Variants in RPE65 observed in about 807,000 individuals in gnomAD.
The protein encoded by RPE65 is retinoid isomerohydrolase RPE65.
In RPE65, 58 loss-of-function variants were observed where a neutral mutation model predicts 68.5. The ratio of observed to expected loss-of-function variants is 0.85; its 90% CI spans 0.69 to 1.05. The LOEUF (loss-of-function observed/expected upper bound fraction) is 1.05. Among genes scored for constraint, RPE65 ranks in the 50% least tolerant of loss-of-function variants. RPE65 has a pLI of 0.00. For synonymous variants in RPE65, 220 were observed against 222.2 expected, an observed-to-expected ratio of 0.99 and a Z score of 0.09; for missense variants, 643 against 629.9, an observed-to-expected ratio of 1.02 and a Z score of -0.22.
intron 5 of RPE65, among the ~76,000 whole-genome samples, chr1:68,442,191 G>A (rs942271752): frequency 1.3e-5 from 2 of 152,160 alleles, no homozygotes; most frequent in Non-Finnish European, 2.9e-5. Context: ...CAATGGCATC[G>A]TAGAGAAGCG....
intron 3 of RPE65, 56 bp downstream of exon 3, chr1:68,446,654 G>A: frequency 1.9e-6 from 3 of 1,611,576 alleles, no homozygotes; most frequent in Non-Finnish European, 2.5e-6. Flanking sequence ...CATGGGAGGA[G>A]GAGCCAAGCT....
intron 10 of RPE65, among the ~76,000 whole-genome samples, chr1:68,435,374 T>C (rs927838915): frequency 1.3e-5 from 2 of 151,984 alleles, no homozygotes; most frequent in African/African-American, 4.8e-5. Context: ...AAATATGATT[T>C]CCCCCCCTGC....
intron 9 of RPE65, 92 bp from the exon 10 acceptor site, chr1:68,438,408 G>A (rs1173865635): frequency 1.4e-6 from 2 of 1,452,262 alleles, no homozygotes; most frequent in Non-Finnish European, 1.9e-6. Context: ...GTGCCTGCCT[G>A]TTCTTTATTC....
chr1:68,441,487 C>A (rs1645901982), intron 5 of RPE65, among the ~76,000 whole-genome samples: 1 of 151,828 alleles, frequency 6.6e-6, no homozygotes. Flanking sequence ...CAAGCTTCAT[C>A]TAGTATAGAA....
In RPE65 at chr1:68,439,326, G is replaced by T. The variant is rs763658561; in HGVS notation, c.726-3C>A. On this transcript the variant is annotated splice_region_variant and splice_polypyrimidine_tract_variant and intron_variant, in intron 7 of 13. Transcript: ENST00000262340. ...TATAGTTGGGAGTCAGACCAAAACT[G>T]TTCAGAAACACAAATGGGCTTGTGA... is the stretch of plus-strand genomic sequence containing the variant. 1.5e-5 allele frequency: 24 copies of T among 1,612,976 alleles called. No individual in the cohort carries two copies. Among genetic ancestry groups the T allele is most frequent in the Admixed American group, 1.0e-4 (6 of 59,992 alleles).
intron 10 of RPE65, among the ~76,000 whole-genome samples, chr1:68,432,262 C>T (rs77585943): frequency 6.6e-6 from 1 of 152,026 alleles, no homozygotes; most frequent in South Asian, 2.1e-4. Flanking sequence ...AGTGAAGTCC[C>T]TGTCCTCATG....
chr1:68,429,935 T>A lies in RPE65; in HGVS notation c.1451-8A>T, dbSNP rs761594270. 6 of 1,613,500 alleles carry A rather than the reference T, an allele frequency of 3.7e-6. No homozygotes were observed. Among genetic ancestry groups the A allele is most frequent in the Non-Finnish European group, 4.2e-6 (5 of 1,179,676 alleles). On this transcript the variant is annotated splice_region_variant and splice_polypyrimidine_tract_variant and intron_variant, in intron 13 of 13. Coordinates refer to ENST00000262340, the MANE Select transcript of RPE65 (RefSeq NM_000329.3). ...CCACACTCAGAACTACACCTGTTTA[T>A]CAGAAGTAAATTAGGCAATATTGAG...
At chr1:68,447,125 A>G (rs1645948258) in intron 2 of RPE65, among the ~76,000 whole-genome samples, 1 of 152,176 alleles carries the variant, frequency 6.6e-6, no homozygotes, top group Non-Finnish European at 1.5e-5. Flanking sequence ...AGGGAGAAGC[A>G]TCTTGAGAGG....
intron 6 of RPE65, 62 bp downstream of exon 6, chr1:68,440,791 T>C (rs1645896563): frequency 1.3e-6 from 2 of 1,586,174 alleles, no homozygotes; most frequent in Admixed American, 1.7e-5. Flanking sequence ...TTTCTCACAA[T>C]ACAGTAACTT....
At chr1:68,446,929 C>T (rs1645947076) in intron 2 of RPE65, 69 bp from the exon 3 acceptor site, 1 of 1,601,086 alleles carries the variant, frequency 6.2e-7, no homozygotes, top group African/African-American at 1.3e-5. Context: ...CTTGGTAAGG[C>T]AGAGTATATC....
At position 68,433,039 on chromosome 1, in the gene RPE65, G is replaced by A. The variant is rs571838330; in HGVS notation, c.1129-1454C>T. 2.6e-5 allele frequency among the ~76,000 whole-genome samples: 4 copies of A among 152,266 alleles called. No individual in the cohort carries two copies. In the East Asian group the frequency reaches 7.7e-4, roughly 29 times the overall value. On this transcript the variant is annotated intron_variant, in intron 10 of 13. Transcript: ENST00000262340. The stretch of plus-strand genomic sequence containing the variant: ...CACAACAAAGATAGGAACTACAGGT[G>A]GAGTAAATTTTTGGTGGGGGAAGAT...
intron 10 of RPE65, among the ~76,000 whole-genome samples, chr1:68,437,871 A>G (rs945047897): frequency 1.3e-5 from 2 of 152,228 alleles, no homozygotes; most frequent in South Asian, 4.1e-4. Context: ...AAAGTATCAT[A>G]GGAATCAGTG....
chr1:68,430,833 A>G (rs1645820703), intron 13 of RPE65, among the ~76,000 whole-genome samples: 1 of 152,158 alleles, frequency 6.6e-6, no homozygotes, highest in Non-Finnish European at 1.5e-5. Context: ...TTGATGCTCC[A>G]TCGTGACACC....
At chr1:68,439,523 G>T in intron 7 of RPE65, 38 bp downstream of exon 7, 1 of 1,602,790 alleles carries the variant, frequency 6.2e-7, no homozygotes, top group South Asian at 1.1e-5. Context: ...CTTTAAACTT[G>T]AGTTTTCCTG....
At chr1:68,447,215 A>G (rs1645948724) in intron 2 of RPE65, among the ~76,000 whole-genome samples, 1 of 152,234 alleles carries the variant, frequency 6.6e-6, no homozygotes, top group Non-Finnish European at 1.5e-5. Context: ...GAAGATTTTC[A>G]AATTTCTTGA....
intron 10 of RPE65, among the ~76,000 whole-genome samples, chr1:68,435,327 G>A (rs1159568874): frequency 6.6e-6 from 1 of 151,942 alleles, no homozygotes; most frequent in South Asian, 2.1e-4. Flanking sequence ...TTTTAAATAA[G>A]CAAATTTTAA....
At chr1:68,446,652 G>C in intron 3 of RPE65, 58 bp downstream of exon 3, 1 of 1,610,586 alleles carries the variant, frequency 6.2e-7, no homozygotes, top group East Asian at 2.2e-5. Flanking sequence ...CACATGGGAG[G>C]AGGAGCCAAG....
chr1:68,441,983 C>T (rs1397560449), intron 5 of RPE65, among the ~76,000 whole-genome samples: 2 of 152,160 alleles, frequency 1.3e-5, no homozygotes, highest in African/African-American at 4.8e-5. Context: ...TCATTCTAGA[C>T]CCGTGCTGTT....
chr1:68,433,699 A>G (rs1468950971), intron 10 of RPE65, among the ~76,000 whole-genome samples: 1 of 152,142 alleles, frequency 6.6e-6, no homozygotes, highest in South Asian at 2.1e-4. Context: ...TGCATCTAAA[A>G]TGGAACCAAT....
Sources: allele counts gnomAD v4.1 joint callset (sites outside exome capture counted in the v4.1 genomes callset), GRCh38; gene constraint gnomAD v4.1.1; transcripts MANE v1.5; gene names NCBI Gene and HGNC (gene_info 2026-07-23, HGNC 2026-07-21).